The following GRIK1 variants were observed in gnomAD, a reference collection of about 807,000 sequenced individuals.
GRIK1 encodes glutamate ionotropic receptor kainate type subunit 1.
A neutral mutation model predicts 105.7 loss-of-function variants in GRIK1; 69 were observed. That is an observed-to-expected ratio of 0.65 (90% CI 0.54 to 0.80). The LOEUF is 0.80. GRIK1 is among the 30% of genes least tolerant of loss of function. The pLI, the probability that GRIK1 is intolerant of heterozygous loss-of-function variation, is 0.00. For synonymous variants in GRIK1, 438 were observed against 431.3 expected, an observed-to-expected ratio of 1.02 and a Z score of -0.19; for missense variants, 1,109 against 1,167.3, an observed-to-expected ratio of 0.95 and a Z score of 0.73.
intron 1 of GRIK1, among the ~76,000 whole-genome samples, chr21:29,927,166 AC>A (rs1355375556): frequency 1.3e-5 from 2 of 152,244 alleles, no homozygotes; most frequent in East Asian, 3.9e-4. Flanking sequence ...TGCAATAATA[AC>A]TTTATGTATG....
At chr21:29,638,026 A>G (rs1212180249) in intron 7 of GRIK1, among the ~76,000 whole-genome samples, 1 of 152,200 alleles carries the variant, frequency 6.6e-6, no homozygotes, top group Non-Finnish European at 1.5e-5. Context: ...GATGACTCCA[A>G]TAATAATAAT....
chr21:29,875,962 C>T (rs868739772), intron 1 of GRIK1, among the ~76,000 whole-genome samples: 48 of 152,174 alleles, frequency 3.2e-4, no homozygotes, highest in African/African-American at 1.0e-3. Flanking sequence ...TTGTCCTGAA[C>T]ACTCTACTTA....
chr21:29,602,703 A>C (rs1415103781), intron 7 of GRIK1, among the ~76,000 whole-genome samples: 2 of 152,228 alleles, frequency 1.3e-5, no homozygotes, highest in African/African-American at 4.8e-5. Context: ...GCCATGAGAC[A>C]CTAATGCAAA....
At chr21:29,758,090 T>C (rs1341115711) in intron 1 of GRIK1, among the ~76,000 whole-genome samples, 1 of 152,236 alleles carries the variant, frequency 6.6e-6, no homozygotes, top group East Asian at 1.9e-4. Flanking sequence ...TTTCAGCTAC[T>C]GGAGCCACAT....
intron 1 of GRIK1, among the ~76,000 whole-genome samples, chr21:29,788,370 C>A (rs2066318986): frequency 6.6e-6 from 1 of 152,150 alleles, no homozygotes; most frequent in South Asian, 2.1e-4. Flanking sequence ...AGAGGATGAG[C>A]AAGCCCAGAA....
intron 1 of GRIK1, among the ~76,000 whole-genome samples, chr21:29,884,140 T>A (rs2069523445): frequency 6.6e-6 from 1 of 152,024 alleles, no homozygotes; most frequent in African/African-American, 2.4e-5. Context: ...CCCATATCAC[T>A]GTTCGATAAG....
At chr21:29,714,510 G>A (rs1483638708) in intron 1 of GRIK1, among the ~76,000 whole-genome samples, 1 of 152,136 alleles carries the variant, frequency 6.6e-6, no homozygotes, top group Admixed American at 6.5e-5. Flanking sequence ...CTGAAACCAG[G>A]ACAGTAGGTC....
chr21:29,790,109 G>A (rs564837419), intron 1 of GRIK1, among the ~76,000 whole-genome samples: 4 of 152,208 alleles, frequency 2.6e-5, no homozygotes, highest in Admixed American at 6.5e-5. Context: ...GAGGGCAGTG[G>A]CATGATCTCG....
intron 12 of GRIK1, 64 bp from the exon 13 acceptor site, chr21:29,581,607 A>T (rs539275157): frequency 5.5e-6 from 5 of 915,282 alleles, no homozygotes; most frequent in African/African-American, 4.9e-5. Flanking sequence ...CAGCAAAACC[A>T]AAACCTGCTG....
At chr21:29,845,598 C>T (rs1370133076) in intron 1 of GRIK1, among the ~76,000 whole-genome samples, 1 of 152,030 alleles carries the variant, frequency 6.6e-6, no homozygotes. Context: ...CTGCTTCTTC[C>T]TTCAGGAAAC....
At chr21:29,717,271 A>C (rs1175075847) in intron 1 of GRIK1, among the ~76,000 whole-genome samples, 1 of 152,234 alleles carries the variant, frequency 6.6e-6, no homozygotes, top group South Asian at 2.1e-4. Context: ...CCCCACACAG[A>C]GTCCCCACTG....
At chr21:29,873,242 C>T (rs189032530) in intron 1 of GRIK1, among the ~76,000 whole-genome samples, 1 of 152,222 alleles carries the variant, frequency 6.6e-6, no homozygotes, top group East Asian at 1.9e-4. Context: ...ATAATGAAGT[C>T]GTTTAATTAG....
At chr21:29,587,333 AC>A in intron 12 of GRIK1, 32 bp downstream of exon 12, 2 of 1,349,026 alleles carry the variant, frequency 1.5e-6, no homozygotes, top group Non-Finnish European at 2.1e-6. Flanking sequence ...ACTGACCTAC[AC>A]CTCTTGTGAA....
intron 1 of GRIK1, among the ~76,000 whole-genome samples, chr21:29,872,116 C>T (rs1007179091): frequency 2.6e-5 from 4 of 151,208 alleles, no homozygotes; most frequent in African/African-American, 9.7e-5. Context: ...TAATGGTGTA[C>T]GACATGATGT....
chr21:29,589,101 A>G, intron 10 of GRIK1, 59 bp from the exon 11 acceptor site: 1 of 913,518 alleles, frequency 1.1e-6, no homozygotes, highest in Non-Finnish European at 1.7e-6. Flanking sequence ...AGTTTACCCT[A>G]TCAGCAGCTT....
intron 1 of GRIK1, among the ~76,000 whole-genome samples, chr21:29,738,658 G>A (rs1202795780): frequency 1.3e-5 from 2 of 152,178 alleles, no homozygotes; most frequent in Admixed American, 6.5e-5. Context: ...TTTCTGTGGA[G>A]GAACTATATT....
chr21:29,900,339 A>G (rs1601985158), intron 1 of GRIK1, among the ~76,000 whole-genome samples: 1 of 152,020 alleles, frequency 6.6e-6, no homozygotes, highest in African/African-American at 2.4e-5. Flanking sequence ...CAGACTGGCA[A>G]ATTGGATAAA....
In GRIK1 at chr21:29,537,300, C is replaced by T. The variant is rs1459571080; in HGVS notation, c.2780G>A (p.Gly927Glu). The T allele has an allele frequency of 6.2e-7, 1 of 1,610,246 alleles. No individual in the cohort carries two copies. Among genetic ancestry groups the T allele is most frequent in the Admixed American group, 1.7e-5 (1 of 59,828 alleles). Residue 927 changes from glycine (G) to glutamate (E), a missense_variant, in exon 18 of 18, where the codon GGG becomes GAG. Gly to Glu is a moderately conservative substitution (Grantham distance 98). Around this residue, in one of 5 missense-constraint regions of GRIK1, gnomAD observed 161 missense variants for 143.4 expected, o/e 1.12. Transcript: ENST00000327783. Reference protein sequence around the residue: ...KKIKKKSRTKGKSSFTSILTC... With the variant: ...KKIKKKSRTKEKSSFTSILTC... ...AAGGATACTTGTGAAGGAAGATTTC[C>T]CCTTAGTTCTTGACTTTTTCTTTAT...
Position 29,621,926 on chromosome 21 carries a change from G to T in GRIK1, c.1098+20900C>A, listed in dbSNP as rs1324271740. On this transcript the variant is annotated intron_variant, in intron 7 of 17. Coordinates refer to ENST00000327783, the MANE Select transcript of GRIK1 (RefSeq NM_001330994.2). ...ATTTATAAATAAAATCATATGTGAG[G>T]TGTTCTAAGAATAACTTCTTTTTTC... 1.3e-5 allele frequency among the ~76,000 whole-genome samples: 2 copies of T among 151,872 alleles called. 1 individual carries two copies. Among genetic ancestry groups the T allele is most frequent in the Middle Eastern group, 6.3e-3 (2 of 316 alleles).
Sources: gnomAD v4.1 joint callset for allele counts (sites outside exome capture counted in the v4.1 genomes callset) on GRCh38, gnomAD v4.1.1 for gene constraint, gnomAD v4.1.1 regional missense constraint, MANE v1.5 for transcripts, NCBI Gene and HGNC (gene_info 2026-07-23, HGNC 2026-07-21) for gene names.